The following BRD4 variants were observed in gnomAD, a reference collection of about 807,000 sequenced individuals.
BRD4 encodes the protein bromodomain containing 4.
In BRD4, 16 loss-of-function variants were observed where a neutral mutation model predicts 142.1. That is an observed-to-expected ratio of 0.11 (90% CI 0.08 to 0.17). BRD4 has a LOEUF of 0.17. Ranked by LOEUF, BRD4 falls within the 10% of genes least tolerant of loss-of-function variation. The pLI is 1.00. For missense variants in BRD4, 1,424 were observed against 1,810.9 expected (o/e 0.79, Z 3.88); for synonymous variants, 833 against 707.5 (o/e 1.18, Z -2.82).
intron 1 of BRD4, among the ~76,000 whole-genome samples, chr19:15,303,705 C>T (rs1044673115): frequency 1.3e-5 from 2 of 152,224 alleles, no homozygotes; most frequent in Non-Finnish European, 2.9e-5. Context: ...CTTATATAGT[C>T]TGTGTTCTGT....
chr19:15,328,823 G>A (rs2145019091), intron 1 of BRD4, among the ~76,000 whole-genome samples: 1 of 152,300 alleles, frequency 6.6e-6, no homozygotes, highest in South Asian at 2.1e-4. Context: ...GACCAGACTG[G>A]AGTGCAATGG....
intron 11 of BRD4, among the ~76,000 whole-genome samples, chr19:15,250,680 C>T (rs1197809948): frequency 2.6e-5 from 4 of 152,180 alleles, no homozygotes; most frequent in South Asian, 2.1e-4. Context: ...AACGGGTATT[C>T]CTAAGAGGGA....
intron 7 of BRD4, among the ~76,000 whole-genome samples, chr19:15,261,493 A>G (rs766671892): frequency 8.6e-5 from 13 of 151,928 alleles, no homozygotes; most frequent in Non-Finnish European, 1.8e-4. Context: ...AAAAAAAAAG[A>G]AAGAAAGAAA....
chr19:15,315,833 G>T (rs2048012738), intron 1 of BRD4, among the ~76,000 whole-genome samples: 1 of 151,572 alleles, frequency 6.6e-6, no homozygotes. Flanking sequence ...TCCAGCCTGG[G>T]TGACTCTGTC....
chr19:15,245,107 G>C (rs1470532741), intron 11 of BRD4: 1 of 370,380 alleles, frequency 2.7e-6, no homozygotes. Context: ...TGAGTGCATG[G>C]CCTGGACAGC....
chr19:15,273,912 T>C (rs555765802), intron 1 of BRD4, among the ~76,000 whole-genome samples: 1 of 152,252 alleles, frequency 6.6e-6, no homozygotes, highest in African/African-American at 2.4e-5. Flanking sequence ...GAAGCAGCTT[T>C]ATGCCTAGCA....
intron 1 of BRD4, among the ~76,000 whole-genome samples, chr19:15,293,349 G>A (rs2047798946): frequency 6.6e-6 from 1 of 152,138 alleles, no homozygotes; most frequent in Non-Finnish European, 1.5e-5. Context: ...TAAGGCCACT[G>A]GCAGGCTTAT....
At chr19:15,289,322 C>A (rs1438809044) in intron 1 of BRD4, among the ~76,000 whole-genome samples, 4 of 152,274 alleles carry the variant, frequency 2.6e-5, no homozygotes, top group Non-Finnish European at 5.9e-5. Flanking sequence ...GAGGCCGAGG[C>A]GGGTGGATCA....
intron 7 of BRD4, among the ~76,000 whole-genome samples, chr19:15,262,307 C>G (rs919047461): frequency 5.9e-5 from 9 of 152,166 alleles, no homozygotes; most frequent in African/African-American, 2.2e-4. Context: ...ATGAGCACAT[C>G]AGCACCTCAT....
chr19:15,308,014 T>A (rs1308197626), intron 1 of BRD4, among the ~76,000 whole-genome samples: 4 of 148,586 alleles, frequency 2.7e-5, no homozygotes, highest in Non-Finnish European at 4.4e-5. Flanking sequence ...CTCAGGAGGC[T>A]GTGGCACAAG....
intron 11 of BRD4, among the ~76,000 whole-genome samples, chr19:15,251,367 C>T (rs865922564): frequency 7.2e-6 from 1 of 139,658 alleles, no homozygotes; most frequent in Non-Finnish European, 1.5e-5. Flanking sequence ...GCGGAACTAA[C>T]CCCGTAGTAT....
rs2047202068 is a variant in BRD4 at position 15,237,418 on chromosome 19, G to A, written c.*959C>T. 4.5e-6 allele frequency: 1 copy of A among 223,428 alleles called. No individual in the cohort carries two copies. Among genetic ancestry groups the A allele is most frequent in the East Asian group, 6.4e-5 (1 of 15,580 alleles). 13.8% of individuals were successfully genotyped at this position (223,428 alleles called of 1,614,324 possible). The stretch of plus-strand genomic sequence containing the variant: ...TTTTCTTTTTTCACACCAGTTTGGT[G>A]GAGTCACCAACAAACTTCAAACAAA... On this transcript the variant is annotated 3_prime_UTR_variant, in exon 20 of 20. Transcript: ENST00000679869.
intron 7 of BRD4, among the ~76,000 whole-genome samples, chr19:15,262,382 A>G (rs2047480861): frequency 6.6e-6 from 1 of 152,226 alleles, no homozygotes; most frequent in Non-Finnish European, 1.5e-5. Flanking sequence ...GGGAATTTTT[A>G]TGATCATTTA....
chr19:15,327,926 G>GGA (rs1397137519), intron 1 of BRD4, among the ~76,000 whole-genome samples: 1 of 119,538 alleles, frequency 8.4e-6, no homozygotes. Context: ...TTTGGGGGGG[G>GGA]GGGGTGGAAA....
At chr19:15,286,793 T>C (rs1361096801) in intron 1 of BRD4, among the ~76,000 whole-genome samples, 5 of 152,214 alleles carry the variant, frequency 3.3e-5, no homozygotes, top group Non-Finnish European at 7.3e-5. Context: ...GCTTTGAAAA[T>C]TAATTAGAAT....
intron 1 of BRD4, among the ~76,000 whole-genome samples, chr19:15,302,150 G>A (rs2145689694): frequency 1.3e-5 from 2 of 151,892 alleles, no homozygotes; most frequent in Middle Eastern, 6.8e-3. Context: ...CTGGGAGACA[G>A]AGTGGGACTT....
chr19:15,259,177 G>C lies in BRD4; in HGVS notation c.1342-2004C>G, dbSNP rs1399700675. On this transcript the variant is annotated intron_variant, in intron 7 of 19. Transcript: ENST00000679869. ...GGCAGCTGGGGCCACATGAGCTTCT[G>C]GAAGAGCCAGGCCTGCTGCCAAGCA... Among the ~76,000 whole-genome samples the C allele has an allele frequency of 2.6e-5, 4 of 152,218 alleles. No individual in the cohort carries two copies. In the East Asian group the frequency reaches 7.7e-4, roughly 29 times the overall value.
chr19:15,235,888 G>A lies in BRD4; in HGVS notation c.*2489C>T, dbSNP rs563395976. On this transcript the variant is annotated 3_prime_UTR_variant, in exon 20 of 20. Transcript: ENST00000679869. ...TAAATCTTCAGCAGGAAGCTGCAGAGAAAACTATCCAGCTCAGCAGTTGGA... is the reference window on the plus strand; with the variant it reads ...TAAATCTTCAGCAGGAAGCTGCAGAAAAAACTATCCAGCTCAGCAGTTGGA... 1 of 152,258 alleles carries A rather than the reference G, an allele frequency of 6.6e-6. No individual in the cohort carries two copies. The highest frequency in any genetic ancestry group is 2.1e-4 in the South Asian group (1 of 4,838). The allele number at this position is 152,258 out of a possible 1,614,324, so 9.4% of individuals were successfully genotyped here.
In BRD4 at chr19:15,237,968, G is replaced by A. The variant is rs201072641; in HGVS notation, c.*409C>T. The A allele has an allele frequency of 1.2e-5, 3 of 242,634 alleles. No homozygotes were observed. Among genetic ancestry groups the A allele is most frequent in the African/African-American group, 6.6e-5 (3 of 45,444 alleles). 15.0% of individuals were successfully genotyped at this position (242,634 alleles called of 1,614,324 possible). A position where few individuals can be genotyped will look rare whatever the true frequency, so the allele number is the denominator to read the frequency against. ...GCTGGGGTGTGGGGAAAGACTCCCG[G>A]CGGGCAGGACATCACGAACGTCACG... On this transcript the variant is annotated 3_prime_UTR_variant, in exon 20 of 20. Coordinates refer to ENST00000679869, the MANE Select transcript of BRD4 (RefSeq NM_001379291.1).
Sources: allele counts gnomAD v4.1 joint callset (sites outside exome capture counted in the v4.1 genomes callset), GRCh38; gene constraint gnomAD v4.1.1; transcripts MANE v1.5; gene names NCBI Gene and HGNC (gene_info 2026-07-23, HGNC 2026-07-21).